Variants in HSP90B1 observed in about 807,000 individuals in gnomAD.
HSP90B1 encodes endoplasmin.
Under a neutral mutation model 100.4 loss-of-function variants are expected in HSP90B1, and 27 were observed. That is an observed-to-expected ratio of 0.27 (90% confidence interval 0.20 to 0.37). The LOEUF is 0.37. Among genes scored for constraint, HSP90B1 ranks in the 10% least tolerant of loss-of-function variants. The probability of loss-of-function intolerance (pLI) is 1.00; values close to 1 mark genes in which losing one functional copy is unlikely to be tolerated. For missense variants in HSP90B1, 678 were observed against 960.5 expected (o/e 0.71, Z 3.89); for synonymous variants, 304 against 330.8 (o/e 0.92, Z 0.88).
intron 6 of HSP90B1, 161 bp from the exon 7 acceptor site, chr12:103,938,179 A>G (rs1333104516): frequency 1.7e-6 from 1 of 580,142 alleles, no homozygotes; most frequent in Non-Finnish European, 2.9e-6. Context: ...TCAAAAAAAA[A>G]AAAAAAGAAT....
intron 3 of HSP90B1, 126 bp downstream of exon 3, chr12:103,932,544 A>C (rs1869799526): frequency 1.3e-6 from 1 of 780,636 alleles, no homozygotes; most frequent in Non-Finnish European, 2.1e-6. Flanking sequence ...TTAAATACCT[A>C]ATATGTCCAA....
chr12:103,942,886 A>G (rs914426307), intron 12 of HSP90B1, 90 bp downstream of exon 12: 5 of 1,500,768 alleles, frequency 3.3e-6, no homozygotes, highest in South Asian at 1.3e-5. Flanking sequence ...GGAAAACTTA[A>G]TTGTGTAACT....
In HSP90B1 at chr12:103,932,403, G is replaced by A. The variant is rs1310873260; in HGVS notation, c.279G>A (p.Leu93=). ...NRMMKLIINS[L]YKNKEIFLRE... ...TGATGAAACTTATCATCAATTCATT[G>A]TATAAAAATAAAGAGGTAAGCAACA... Residue 93 remains leucine, a synonymous_variant, in exon 3 of 18, where the codon TTG becomes TTA. Transcript: ENST00000299767. 1 of 1,611,192 alleles carries A rather than the reference G, an allele frequency of 6.2e-7. No homozygotes were observed. The highest frequency in any genetic ancestry group is 8.5e-7 in the Non-Finnish European group (1 of 1,178,820).
chr12:103,937,555 T>A (rs1314165716), intron 5 of HSP90B1, 140 bp from the exon 6 acceptor site: 10 of 619,812 alleles, frequency 1.6e-5, no homozygotes, highest in Admixed American at 3.0e-5. Flanking sequence ...CAAACCCTTG[T>A]TGGTGATGGA....
intron 11 of HSP90B1, 31 bp from the exon 12 acceptor site, chr12:103,942,496 C>T (rs763257895): frequency 3.7e-6 from 6 of 1,601,934 alleles, no homozygotes; most frequent in Non-Finnish European, 5.1e-6. Context: ...AGATTAACTT[C>T]TCTAATCAGT....
rs374876307 is a variant in HSP90B1 at position 103,930,468 on chromosome 12, G to A, written c.-48G>A. 2 of 1,554,302 alleles carry A rather than the reference G, an allele frequency of 1.3e-6. No individual in the cohort carries two copies. Among genetic ancestry groups the A allele is most frequent in the Non-Finnish European group, 1.7e-6 (2 of 1,144,866 alleles). On this transcript the variant is annotated 5_prime_UTR_variant, in exon 1 of 18. Coordinates refer to ENST00000299767, the MANE Select transcript of HSP90B1 (RefSeq NM_003299.3). This position sits in a 1 kb window ranked among gnomAD's most constrained non-coding sequence, Gnocchi z 4.4. ...TCCGAACCCAGGGGTGGGGGGTGGA[G>A]GCGGCTCCTGCGATCGAAGGGGACT...
Position 103,937,626 on chromosome 12 carries a change from T to C in HSP90B1, c.744-69T>C, listed in dbSNP as rs879712223. 1.0e-4 allele frequency: 80 copies of C among 769,174 alleles called. 1 individual carries two copies. In the Admixed American group the frequency reaches 1.6e-3, roughly 16 times the overall value. The allele number at this position is 769,174 out of a possible 1,614,324, so 47.6% of individuals were successfully genotyped here. A position where few individuals can be genotyped will look rare whatever the true frequency, so the allele number is the denominator to read the frequency against. ...ACTGAACTGCTGGCTATTACCATGG[T>C]ATTTAAATGAATTTATAATCAGATC... On this transcript the variant is annotated intron_variant, in intron 5 of 17. Coordinates refer to ENST00000299767, the MANE Select transcript of HSP90B1 (RefSeq NM_003299.3).
chr12:103,940,191 T>A (rs1870033752), intron 8 of HSP90B1, among the ~76,000 whole-genome samples: 1 of 152,226 alleles, frequency 6.6e-6, no homozygotes, highest in Admixed American at 6.5e-5. Flanking sequence ...AGATGTGTGA[T>A]TTCCACCACA....
At chr12:103,934,325 T>C in intron 5 of HSP90B1, 38 bp downstream of exon 5, 1 of 1,479,240 alleles carries the variant, frequency 6.8e-7, no homozygotes, top group South Asian at 1.2e-5. Context: ...TTAATAGTCA[T>C]GGTGAGGATC....
chr12:103,938,607 T>C (rs1869989061), intron 7 of HSP90B1, 148 bp downstream of exon 7: 1 of 805,516 alleles, frequency 1.2e-6, no homozygotes, highest in Admixed American at 2.5e-5. Flanking sequence ...AGGCCTTTGT[T>C]TGTATGTTGA....
At chr12:103,946,428 A>AG (rs1022210923) in intron 14 of HSP90B1, among the ~76,000 whole-genome samples, 190 bp from the exon 15 acceptor site, 2 of 149,642 alleles carry the variant, frequency 1.3e-5, no homozygotes, top group African/African-American at 4.9e-5. Context: ...GCACATACGG[A>AG]GGGCGGACTG....
At chr12:103,935,799 A>C (rs1357902530) in intron 5 of HSP90B1, among the ~76,000 whole-genome samples, 2 of 152,212 alleles carry the variant, frequency 1.3e-5, no homozygotes, top group African/African-American at 4.8e-5. Flanking sequence ...GTGATGTCCC[A>C]AGAGATGTTA....
At chr12:103,934,448 T>G (rs1869848489) in intron 5 of HSP90B1, among the ~76,000 whole-genome samples, 161 bp downstream of exon 5, 1 of 152,228 alleles carries the variant, frequency 6.6e-6, no homozygotes, top group South Asian at 2.1e-4. Flanking sequence ...TTTGAGGACC[T>G]GCAAAGGGCC....
rs376916927 is a variant in HSP90B1 at position 103,930,871 on chromosome 12, C to G, written c.49+307C>G. Among the ~76,000 whole-genome samples, 12 of 150,734 alleles carry G rather than the reference C, an allele frequency of 8.0e-5. No homozygotes were observed. The highest frequency in any genetic ancestry group is 3.3e-4 in the Admixed American group (5 of 15,180). On this transcript the variant is annotated intron_variant, in intron 1 of 17. Transcript: ENST00000299767. This position sits in a 1 kb window ranked among gnomAD's most constrained non-coding sequence, Gnocchi z 4.4. ...CCGGGAGCTGTGCGAGTCCCTCCCCCCTCCCCGCCCGGAGGACTTTTTCGG... is the reference window on the plus strand; with the variant it reads ...CCGGGAGCTGTGCGAGTCCCTCCCCGCTCCCCGCCCGGAGGACTTTTTCGG...
intron 11 of HSP90B1, 36 bp downstream of exon 11, chr12:103,941,933 G>C: frequency 6.5e-7 from 1 of 1,541,212 alleles, no homozygotes; most frequent in Non-Finnish European, 8.9e-7. Context: ...CCACTTTGCT[G>C]TTTGATTGGG....
intron 7 of HSP90B1, 123 bp downstream of exon 7, chr12:103,938,582 C>A: frequency 2.8e-6 from 3 of 1,077,630 alleles, no homozygotes; most frequent in South Asian, 3.5e-5. Context: ...GTCCATGGAG[C>A]CAGCTTTTAA....
At chr12:103,944,294 A>G (rs1169758592) in intron 14 of HSP90B1, among the ~76,000 whole-genome samples, 3 of 152,202 alleles carry the variant, frequency 2.0e-5, no homozygotes, top group Non-Finnish European at 4.4e-5. Flanking sequence ...GGGTATCCAG[A>G]TAGAATGTCT....
chr12:103,941,808 T>C, intron 10 of HSP90B1, 24 bp from the exon 11 acceptor site: 1 of 1,612,136 alleles, frequency 6.2e-7, no homozygotes, highest in Non-Finnish European at 8.5e-7. Flanking sequence ...TATTGCTCAC[T>C]GAACTTTCTT....
chr12:103,939,485 A>G (rs1358670796), intron 7 of HSP90B1, 24 bp from the exon 8 acceptor site: 1 of 1,089,768 alleles, frequency 9.2e-7, no homozygotes, highest in African/African-American at 1.6e-5. Context: ...GAGAGAGACT[A>G]ATCAAATACT....
Sources: allele counts gnomAD v4.1 joint callset (sites outside exome capture counted in the v4.1 genomes callset), GRCh38; gene constraint gnomAD v4.1.1; non-coding constraint Gnocchi (gnomAD v3.1); transcripts MANE v1.5; gene names NCBI Gene and HGNC (gene_info 2026-07-23, HGNC 2026-07-21).